The following ASTN2 variants were observed in gnomAD, a reference collection of about 807,000 sequenced individuals.
ASTN2 encodes astrotactin 2, also known as astrotactin-2.
ASTN2 carries 54 observed loss-of-function variants against 139.8 expected under a neutral mutation model. The ratio of observed to expected loss-of-function variants is 0.39; its 90% CI spans 0.31 to 0.48. ASTN2 has a LOEUF of 0.48. Ranked by LOEUF, ASTN2 falls within the 20% of genes least tolerant of loss-of-function variation. ASTN2 has a pLI of 0.95. For missense variants in ASTN2, 1,565 were observed against 1,725.1 expected, an observed-to-expected ratio of 0.91 and a Z score of 1.64; for synonymous variants, 756 against 719.5, an observed-to-expected ratio of 1.05 and a Z score of -0.81.
At chr9:116,966,226 T>C (rs1024317082) in intron 10 of ASTN2, among the ~76,000 whole-genome samples, 2 of 152,244 alleles carry the variant, frequency 1.3e-5, no homozygotes, top group African/African-American at 4.8e-5. Flanking sequence ...AAGCTTTCTA[T>C]AATTCAACAT....
At chr9:116,790,971 GAAAGAAAGAAAGAAAGAAA>G (rs1564268871) in intron 13 of ASTN2, among the ~76,000 whole-genome samples, 6 of 16,270 alleles carry the variant, frequency 3.7e-4, no homozygotes, top group African/African-American at 7.8e-4. Context: ...AAGAAGGAAA[GAAAGAAAGAAAGAAAGAAA>G]GAAAGAAAGA....
intron 2 of ASTN2, among the ~76,000 whole-genome samples, chr9:117,235,819 G>A (rs193027855): frequency 2.7e-4 from 41 of 152,036 alleles, no homozygotes; most frequent in Non-Finnish European, 4.7e-4. Flanking sequence ...TAAATTCTAC[G>A]TCCAAGGTGA....
At chr9:116,526,638 G>A in intron 19 of ASTN2, among the ~76,000 whole-genome samples, 1 of 138,200 alleles carries the variant, frequency 7.2e-6, no homozygotes, top group African/African-American at 2.8e-5. Context: ...AAAAAAAAGT[G>A]ACAAAAGATG....
intron 22 of ASTN2, among the ~76,000 whole-genome samples, chr9:116,436,119 C>A (rs957182461): frequency 2.0e-4 from 30 of 152,334 alleles, no homozygotes; most frequent in African/African-American, 6.3e-4. Context: ...CAGCACACGG[C>A]CTGACACATA....
At chr9:116,625,685 C>T (rs1178919652) in intron 17 of ASTN2, among the ~76,000 whole-genome samples, 1 of 152,130 alleles carries the variant, frequency 6.6e-6, no homozygotes, top group Non-Finnish European at 1.5e-5. Flanking sequence ...CATCTCAACC[C>T]CCCTGCACCC....
In ASTN2 at chr9:116,863,610, G is replaced by A. The variant is rs113540918; in HGVS notation, c.2013C>T (p.Asp671=). The change falls in exon 11 of 23, where the codon GAC becomes GAT. Residue 671 remains aspartate, a synonymous_variant. Transcript: ENST00000313400. ...GCTRNFKCVS[D]RQVDSSGCVC... ...CACATCCCGAGGAATCCACCTGCCG[G>A]TCAGACACACACTTGAAGTTGCGAG... 86 of 1,614,148 alleles carry A rather than the reference G, an allele frequency of 5.3e-5. No individual in the cohort carries two copies. The Middle Eastern group carries it at 1.3e-3, about 25-fold the overall frequency.
At chr9:116,520,476 A>C (rs2119229757) in intron 19 of ASTN2, among the ~76,000 whole-genome samples, 1 of 152,232 alleles carries the variant, frequency 6.6e-6, no homozygotes, top group South Asian at 2.1e-4. Context: ...ACTCTCAGCA[A>C]AATCGGCATA....
intron 4 of ASTN2, among the ~76,000 whole-genome samples, chr9:117,098,411 G>C (rs1481900819): frequency 6.6e-6 from 1 of 152,138 alleles, no homozygotes; most frequent in African/African-American, 2.4e-5. Flanking sequence ...TCAGTTTAAG[G>C]CTCTGTAAAA....
At chr9:116,477,522 T>C (rs1330286577) in intron 20 of ASTN2, among the ~76,000 whole-genome samples, 1 of 151,858 alleles carries the variant, frequency 6.6e-6, no homozygotes, top group African/African-American at 2.4e-5. Flanking sequence ...AATCAGATAA[T>C]AGGCAGAAAT....
intron 16 of ASTN2, among the ~76,000 whole-genome samples, chr9:116,685,089 A>G (rs1047743480): frequency 6.6e-6 from 1 of 152,308 alleles, no homozygotes; most frequent in East Asian, 1.9e-4. Context: ...GCTGGAGGTT[A>G]CAAGATGCTG....
chr9:116,741,175 T>G (rs1829088680), intron 13 of ASTN2, among the ~76,000 whole-genome samples: 1 of 152,158 alleles, frequency 6.6e-6, no homozygotes, highest in Non-Finnish European at 1.5e-5. Flanking sequence ...ATGTGTGTTT[T>G]GGGTACATTA....
chr9:116,435,387 T>C (rs986045825), intron 22 of ASTN2, among the ~76,000 whole-genome samples: 12 of 152,234 alleles, frequency 7.9e-5, no homozygotes, highest in African/African-American at 2.9e-4. Flanking sequence ...ACTGCTCCTC[T>C]GTTTAAAACA....
At position 116,695,719 on chromosome 9, in the gene ASTN2, A is replaced by G. The variant is rs531988466; in HGVS notation, c.2806+30052T>C. Among the ~76,000 whole-genome samples, 7 of 152,248 alleles carry G rather than the reference A, an allele frequency of 4.6e-5. No homozygotes were observed. The East Asian group carries it at 1.4e-3, about 29-fold the overall frequency. On this transcript the variant is annotated intron_variant, in intron 16 of 22. Coordinates refer to ENST00000313400, the MANE Select transcript of ASTN2 (RefSeq NM_001365068.1). ...TCATATGCCTCAACTTGCTAGACCT[A>G]TTCATTCTGATTTGGGGTATACGTT...
intron 6 of ASTN2, among the ~76,000 whole-genome samples, chr9:117,031,215 G>T (rs1564393089): frequency 6.6e-6 from 1 of 152,090 alleles, no homozygotes; most frequent in Non-Finnish European, 1.5e-5. Flanking sequence ...TAGAAGAAGA[G>T]GCAGCCTCAG....
At chr9:117,032,280 C>A (rs995266641) in intron 6 of ASTN2, among the ~76,000 whole-genome samples, 3 of 151,988 alleles carry the variant, frequency 2.0e-5, no homozygotes, top group Non-Finnish European at 2.9e-5. Flanking sequence ...AATGTACAAG[C>A]AAAGGTATAT....
intron 11 of ASTN2, among the ~76,000 whole-genome samples, chr9:116,858,485 T>C (rs1588359783): frequency 6.6e-6 from 1 of 152,320 alleles, no homozygotes; most frequent in East Asian, 1.9e-4. Flanking sequence ...GTGTCCTCCA[T>C]ACGATGCTGT....
Position 117,148,179 on chromosome 9 carries a change from A to T in ASTN2, c.1016-6701T>A, listed in dbSNP as rs553674592. On this transcript the variant is annotated intron_variant, in intron 3 of 22. Coordinates refer to ENST00000313400, the MANE Select transcript of ASTN2 (RefSeq NM_001365068.1). ...GACCATATTGCCTAGTGCAGGTGAG[A>T]AATCTCACTCGAGTTCCAGTATCAA... is the stretch of plus-strand genomic sequence containing the variant. 2.8e-4 allele frequency among the ~76,000 whole-genome samples: 43 copies of T among 152,318 alleles called. No individual in the cohort carries two copies. In the South Asian group the frequency reaches 5.6e-3, roughly 20 times the overall value.
At chr9:117,185,065 C>T (rs1831163765) in intron 3 of ASTN2, among the ~76,000 whole-genome samples, 1 of 152,180 alleles carries the variant, frequency 6.6e-6, no homozygotes, top group Non-Finnish European at 1.5e-5. Flanking sequence ...ATACCCACAT[C>T]TGCCCATTCC....
chr9:116,639,037 A>G (rs1857205796), intron 17 of ASTN2, among the ~76,000 whole-genome samples: 1 of 152,212 alleles, frequency 6.6e-6, no homozygotes, highest in Admixed American at 6.5e-5. Context: ...GAGGTAACAC[A>G]GGATTAATCA....
Sources: allele counts gnomAD v4.1 joint callset (sites outside exome capture counted in the v4.1 genomes callset), GRCh38; gene constraint gnomAD v4.1.1; transcripts MANE v1.5; gene names NCBI Gene and HGNC (gene_info 2026-07-23, HGNC 2026-07-21).